MYH11: variants seen among roughly 807,000 people sequenced by gnomAD.
MYH11 encodes the protein myosin-11.
MYH11 carries 80 observed loss-of-function variants against 246.6 expected under a neutral mutation model. The ratio of observed to expected loss-of-function variants is 0.32; its 90% confidence interval spans 0.27 to 0.39. The LOEUF (loss-of-function observed/expected upper bound fraction) is 0.39, where lower values mean the gene tolerates loss of function less well. MYH11 is among the 10% of genes least tolerant of loss of function. The pLI is 1.00. For synonymous variants in MYH11, 1,071 were observed against 1,015.5 expected (o/e 1.05, Z -1.04); for missense variants, 2,158 against 2,546.8 (o/e 0.85, Z 3.29).
intron 3 of MYH11, among the ~76,000 whole-genome samples, chr16:15,804,076 G>A (rs1331396213): frequency 6.6e-6 from 1 of 152,102 alleles, no homozygotes; most frequent in Non-Finnish European, 1.5e-5. Context: ...GTTCTCCACC[G>A]TACAAAGCAG....
intron 2 of MYH11, among the ~76,000 whole-genome samples, chr16:15,836,502 C>G (rs2043896064): frequency 6.6e-6 from 1 of 152,074 alleles, no homozygotes; most frequent in Non-Finnish European, 1.5e-5. Flanking sequence ...CAGGTTCAAG[C>G]GATTCTCCTG....
chr16:15,822,390 T>C (rs2043437973), intron 3 of MYH11, among the ~76,000 whole-genome samples: 1 of 151,906 alleles, frequency 6.6e-6, no homozygotes. Context: ...AAATAGAAGG[T>C]GAGAAGGCCT....
intron 4 of MYH11, among the ~76,000 whole-genome samples, chr16:15,796,835 C>G (rs917174920): frequency 6.6e-6 from 1 of 152,050 alleles, no homozygotes; most frequent in South Asian, 2.1e-4. Context: ...GCAGGTGACC[C>G]CTAGAAGCCA....
intron 3 of MYH11, among the ~76,000 whole-genome samples, chr16:15,800,393 T>C (rs1327819545): frequency 6.7e-6 from 1 of 149,908 alleles, no homozygotes; most frequent in East Asian, 2.0e-4. Flanking sequence ...GACGAATAGA[T>C]GGATGGAAAG....
intron 3 of MYH11, among the ~76,000 whole-genome samples, chr16:15,821,344 G>A (rs2043405206): frequency 6.6e-6 from 1 of 152,182 alleles, no homozygotes; most frequent in African/African-American, 2.4e-5. Context: ...AGTTCAGTTA[G>A]TGTAATGAAA....
intron 3 of MYH11, among the ~76,000 whole-genome samples, chr16:15,820,942 G>A (rs1326682217): frequency 1.3e-5 from 2 of 152,022 alleles, no homozygotes; most frequent in Admixed American, 6.6e-5. Flanking sequence ...GCGTGATCTC[G>A]GCTCACTGCA....
At chr16:15,803,542 AC>A (rs1174133164) in intron 3 of MYH11, among the ~76,000 whole-genome samples, 2 of 152,012 alleles carry the variant, frequency 1.3e-5, no homozygotes, top group African/African-American at 4.8e-5. Context: ...CTCCCAAAGT[AC>A]TAAAAAGTGA....
intron 3 of MYH11, among the ~76,000 whole-genome samples, chr16:15,803,228 C>A (rs2042929493): frequency 6.6e-6 from 1 of 151,994 alleles, no homozygotes. Flanking sequence ...TAGCTTCCAC[C>A]CAGGGGGAGA....
In MYH11 at chr16:15,742,325, C is replaced by G. The variant is rs536408127; in HGVS notation, c.2521-434G>C. The stretch of plus-strand genomic sequence containing the variant: ...AGAAAAAAAATCTTTCATATCCCAC[C>G]CACCTCCCTATCAAAGTCATTATTA... On this transcript the variant is annotated intron_variant, in intron 20 of 40. Transcript: ENST00000300036. 127 of 259,404 alleles carry G rather than the reference C, an allele frequency of 4.9e-4. No individual in the cohort carries two copies. The South Asian group carries it at 6.2e-3, about 13-fold the overall frequency. The allele number at this position is 259,404 out of a possible 1,614,324, so 16.1% of individuals were successfully genotyped here.
intron 3 of MYH11, among the ~76,000 whole-genome samples, chr16:15,817,183 T>C (rs1332356012): frequency 1.3e-5 from 2 of 152,170 alleles, no homozygotes; most frequent in South Asian, 4.1e-4. Flanking sequence ...TGAATTTGTA[T>C]GTAACATCTT....
chr16:15,830,575 T>C (rs1479627186), intron 2 of MYH11, among the ~76,000 whole-genome samples: 1 of 152,038 alleles, frequency 6.6e-6, no homozygotes, highest in South Asian at 2.1e-4. Context: ...TGTGGCTGCA[T>C]GTGTATAAAA....
At chr16:15,833,012 G>C (rs371877803) in intron 2 of MYH11, among the ~76,000 whole-genome samples, 1 of 139,884 alleles carries the variant, frequency 7.1e-6, no homozygotes, top group African/African-American at 2.7e-5. Flanking sequence ...ACCCAGGCTG[G>C]AGTGCAGTGG....
At chr16:15,788,882 C>T (rs1035462844) in intron 4 of MYH11, among the ~76,000 whole-genome samples, 6 of 151,132 alleles carry the variant, frequency 4.0e-5, no homozygotes, top group African/African-American at 7.3e-5. Context: ...GAACTGGCCA[C>T]GTTTATAATA....
intron 27 of MYH11, 109 bp from the exon 28 acceptor site, chr16:15,727,163 G>A: frequency 1.1e-6 from 1 of 928,334 alleles, no homozygotes; most frequent in South Asian, 1.3e-5. Flanking sequence ...ACACAACAGG[G>A]GGCACACAAT....
intron 10 of MYH11, among the ~76,000 whole-genome samples, chr16:15,761,792 T>C (rs946826221): frequency 6.6e-6 from 1 of 152,168 alleles, no homozygotes; most frequent in African/African-American, 2.4e-5. Flanking sequence ...TCCATTAATT[T>C]GCCAGATTTA....
chr16:15,717,997 T>C (rs2040256027), intron 37 of MYH11: 2 of 449,110 alleles, frequency 4.5e-6, no homozygotes, highest in East Asian at 4.5e-5. Flanking sequence ...CTGGATAAGG[T>C]CAGAGCTTCA....
chr16:15,753,578 A>G (rs1183617507), intron 14 of MYH11, 70 bp from the exon 15 acceptor site: 3 of 1,180,692 alleles, frequency 2.5e-6, no homozygotes, highest in African/African-American at 1.5e-5. Flanking sequence ...CCAGGACCCC[A>G]GCCCTCCCAT....
chr16:15,739,194 C>T (rs563030955), intron 23 of MYH11, among the ~76,000 whole-genome samples: 3 of 151,758 alleles, frequency 2.0e-5, no homozygotes, highest in Admixed American at 2.0e-4. Flanking sequence ...CTGCCTCCCA[C>T]GTTCAAGTGA....
chr16:15,820,687 A>C (rs1023517782), intron 3 of MYH11, among the ~76,000 whole-genome samples: 2 of 152,142 alleles, frequency 1.3e-5, no homozygotes, highest in African/African-American at 4.8e-5. Flanking sequence ...GCATGACATG[A>C]AGATGTCGTT....
Sources: gnomAD v4.1 joint callset for allele counts (sites outside exome capture counted in the v4.1 genomes callset) on GRCh38, gnomAD v4.1.1 for gene constraint, MANE v1.5 for transcripts, NCBI Gene and HGNC (gene_info 2026-07-23, HGNC 2026-07-21) for gene names.